Variants in FRYL observed in about 807,000 individuals in gnomAD.
FRYL encodes the protein FRY like transcription coactivator.
A neutral mutation model predicts 351.2 loss-of-function variants in FRYL; 150 were observed. The ratio of observed to expected loss-of-function variants is 0.43; its 90% CI spans 0.37 to 0.49. FRYL has a LOEUF of 0.49. Ranked by LOEUF, FRYL falls within the 20% of genes least tolerant of loss-of-function variation. The pLI is 0.00. For synonymous variants in FRYL, 1,153 were observed against 1,257.1 expected, an observed-to-expected ratio of 0.92 and a Z score of 1.75; for missense variants, 3,036 against 3,619.3, an observed-to-expected ratio of 0.84 and a Z score of 4.13.
At chr4:48,550,131 T>G (rs1732365226) in intron 38 of FRYL, among the ~76,000 whole-genome samples, 1 of 152,190 alleles carries the variant, frequency 6.6e-6, no homozygotes, top group Non-Finnish European at 1.5e-5. Flanking sequence ...ATGTGCAAAA[T>G]GAGGAGATTG....
Position 48,565,644 on chromosome 4 carries a change from G to A in FRYL, c.3217C>T (p.Leu1073=). Residue 1073 remains leucine (L), a synonymous_variant, in exon 29 of 64, where the codon CTA becomes TTA. Transcript: ENST00000358350. ...GCCCAGTGACTGAACAGCATAAATA[G>A]ACTGTGACGAAGGCTCTGTTGAGGA... ...IFPQQSLRHS[L]FMLFSHWAGP... The A allele has an allele frequency of 6.2e-7, 1 of 1,613,848 alleles. No homozygotes were observed. Among genetic ancestry groups the A allele is most frequent in the South Asian group, 1.1e-5 (1 of 91,028 alleles).
At chr4:48,593,220 T>A (rs568723974) in intron 16 of FRYL, among the ~76,000 whole-genome samples, 1 of 144,934 alleles carries the variant, frequency 6.9e-6, no homozygotes, top group South Asian at 2.2e-4. Context: ...GAATGAGATT[T>A]ATTGAAGAAC....
chr4:48,632,104 A>ATATATATATGTATG (rs1185337667), intron 4 of FRYL, among the ~76,000 whole-genome samples: 4 of 49,924 alleles, frequency 8.0e-5, no homozygotes, highest in Admixed American at 6.8e-4. Context: ...ATATATATAT[A>ATATATATATGTATG]TATATATATA....
intron 19 of FRYL, among the ~76,000 whole-genome samples, chr4:48,586,064 TCA>T (rs1305086110): frequency 6.6e-6 from 1 of 152,206 alleles, no homozygotes; most frequent in Non-Finnish European, 1.5e-5. Flanking sequence ...AAGCAGTTTT[TCA>T]ACAGGCTATC....
At position 48,645,124 on chromosome 4, in the gene FRYL, T is replaced by TATATATATATATATATATATATATATATA. The variant is rs1756133820; in HGVS notation, c.-80-10635_-80-10634insTATATATATATATATATATATATATATAT. 7.6e-5 allele frequency among the ~76,000 whole-genome samples: 8 copies of TATATATATATATATATATATATATATATA among 105,472 alleles called. 1 individual carries two copies. Among genetic ancestry groups the TATATATATATATATATATATATATATATA allele is most frequent in the Non-Finnish European group, 1.7e-4 (8 of 48,330 alleles). The allele number at this position is 105,472 out of a possible 152,430, so 69.2% of individuals were successfully genotyped here. A position where few individuals can be genotyped will look rare whatever the true frequency, so the allele number is the denominator to read the frequency against. On this transcript the variant is annotated intron_variant, in intron 3 of 63. Transcript: ENST00000358350. ...ATTAAACCAGCAGTGAGCTTTCATTTTATATATATATATATATATATATAT... is the reference window on the plus strand; with the variant it reads ...ATTAAACCAGCAGTGAGCTTTCATTTATATATATATATATATATATATATATATATATATATATATATATATATATATAT...
At chr4:48,769,194 C>T (rs1306726460) in intron 1 of FRYL, among the ~76,000 whole-genome samples, 1 of 152,098 alleles carries the variant, frequency 6.6e-6, no homozygotes, top group Non-Finnish European at 1.5e-5. Context: ...TATGAAAGAT[C>T]TATTAAGAGG....
Position 48,557,077 on chromosome 4 carries a change from C to A in FRYL, c.4167G>T (p.Trp1389Cys), listed in dbSNP as rs1734269151. 6.2e-7 allele frequency: 1 copy of A among 1,606,038 alleles called. No homozygotes were observed. The highest frequency in any genetic ancestry group is 8.5e-7 in the Non-Finnish European group (1 of 1,176,346). Residue 1389 changes from tryptophan to cysteine, a missense_variant, in exon 35 of 64, where the codon TGG (tryptophan) becomes TGT (cysteine). By Grantham distance (215) the Trp-to-Cys change is radical. Around this residue, in one of 7 missense-constraint regions of FRYL, gnomAD observed 1,987 missense variants for 2,311.7 expected, o/e 0.86. Coordinates refer to ENST00000358350, the MANE Select transcript of FRYL (RefSeq NM_015030.2). ...ELAWSEVENV[W>C]TTLADGWPKN... ...TGGGCCAGCCATCTGCAAGTGTGGTCCACACATTCTCCACCTCCGACCAGG... is the reference window on the plus strand; with the variant it reads ...TGGGCCAGCCATCTGCAAGTGTGGTACACACATTCTCCACCTCCGACCAGG...
intron 42 of FRYL, 79 bp from the exon 43 acceptor site, chr4:48,544,983 A>G: frequency 2.1e-6 from 3 of 1,414,380 alleles, no homozygotes; most frequent in Non-Finnish European, 2.8e-6. Flanking sequence ...CCTAAATTAC[A>G]CCTTTACAAT....
At position 48,595,646 on chromosome 4, in the gene FRYL, C is replaced by T. The variant is rs764161133; in HGVS notation, c.1192G>A (p.Val398Ile). Reference sequence around the variant, plus strand: ...ATATTGAGAGGTGTGTCACGAGGAACCACACTTCGTGAGCCTTTTGGAAAA... The same window carrying T: ...ATATTGAGAGGTGTGTCACGAGGAATCACACTTCGTGAGCCTTTTGGAAAA... Reference protein sequence around the residue: ...ALFPKGSRSVVPRDTPLNIFV... With the variant: ...ALFPKGSRSVIPRDTPLNIFV... Residue 398 changes from valine to isoleucine, a missense_variant, in exon 15 of 64, where the codon GTT (valine) becomes ATT (isoleucine). Transcript: ENST00000358350. 5 of 1,613,384 alleles carry T rather than the reference C, an allele frequency of 3.1e-6. No individual in the cohort carries two copies. Among genetic ancestry groups the T allele is most frequent in the Admixed American group, 3.3e-5 (2 of 59,930 alleles).
At position 48,565,540 on chromosome 4, in the gene FRYL, A is replaced by C; in HGVS notation, c.3321T>G (p.Cys1107Trp). The change falls in exon 29 of 64, where the codon TGT (cysteine) becomes TGG (tryptophan). Residue 1107 changes from cysteine (C) to tryptophan (W), a missense_variant. Cys to Trp is a radical substitution (Grantham distance 215). Transcript: ENST00000358350. ...RNMQINRHQY[C>W]ALKAMSAVLC... is the part of the protein sequence containing the mutation. The stretch of plus-strand genomic sequence containing the variant: ...GTTTCTAAGTAAATACCTTTAACGC[A>C]CAGTATTGATGTCTATTAATTTGCA... 1 of 1,570,644 alleles carries C rather than the reference A, an allele frequency of 6.4e-7. No homozygotes were observed. The highest frequency in any genetic ancestry group is 8.6e-7 in the Non-Finnish European group (1 of 1,163,514).
chr4:48,652,772 C>T (rs1372919182), intron 3 of FRYL, among the ~76,000 whole-genome samples: 5 of 152,072 alleles, frequency 3.3e-5, no homozygotes, highest in Non-Finnish European at 5.9e-5. Flanking sequence ...AAAGAGTTAA[C>T]CTGGAAAAAT....
chr4:48,668,042 A>G (rs1560825057), intron 3 of FRYL, among the ~76,000 whole-genome samples: 1 of 152,162 alleles, frequency 6.6e-6, no homozygotes, highest in Non-Finnish European at 1.5e-5. Context: ...AGGGGTTGGA[A>G]AACTGACCCC....
chr4:48,541,798 C>T (rs1162177117), intron 45 of FRYL, among the ~76,000 whole-genome samples: 1 of 152,108 alleles, frequency 6.6e-6, no homozygotes, highest in Non-Finnish European at 1.5e-5. Flanking sequence ...TGAAGTGGTG[C>T]ATTAGAAAGA....
At chr4:48,501,400 A>AC (rs375655730) in intron 62 of FRYL, among the ~76,000 whole-genome samples, 298 of 152,106 alleles carry the variant, frequency 2.0e-3, no homozygotes, top group African/African-American at 6.6e-3. Context: ...TACTATGGAA[A>AC]CCTTTAAGGT....
At chr4:48,515,316 A>G in intron 55 of FRYL, 41 bp from the exon 56 acceptor site, 1 of 1,449,230 alleles carries the variant, frequency 6.9e-7, no homozygotes, top group Non-Finnish European at 9.4e-7. Context: ...TAAACACATA[A>G]AAAAAGAATT....
intron 16 of FRYL, 83 bp downstream of exon 16, chr4:48,593,847 G>T: frequency 1.7e-6 from 1 of 579,896 alleles, no homozygotes; most frequent in South Asian, 3.5e-5. Context: ...GCTGGGATTT[G>T]AACCTAAGAG....
chr4:48,505,078 A>G (rs551644984), intron 60 of FRYL, among the ~76,000 whole-genome samples: 1 of 152,322 alleles, frequency 6.6e-6, no homozygotes, highest in Non-Finnish European at 1.5e-5. Context: ...CTAAGAAAAT[A>G]TAATGCTGTT....
chr4:48,635,340 A>C (rs1017636225), intron 3 of FRYL, among the ~76,000 whole-genome samples: 1 of 152,200 alleles, frequency 6.6e-6, no homozygotes, highest in African/African-American at 2.4e-5. Context: ...GCCATTACAG[A>C]AATCCAGGTG....
intron 4 of FRYL, among the ~76,000 whole-genome samples, chr4:48,628,589 A>T (rs575599958): frequency 6.6e-6 from 1 of 152,170 alleles, no homozygotes; most frequent in Admixed American, 6.6e-5. Flanking sequence ...AGTGGGGGGA[A>T]TAATTTCTAG....
Sources: gnomAD v4.1 joint callset for allele counts (sites outside exome capture counted in the v4.1 genomes callset) on GRCh38, gnomAD v4.1.1 for gene constraint, gnomAD v4.1.1 regional missense constraint, MANE v1.5 for transcripts, NCBI Gene and HGNC (gene_info 2026-07-23, HGNC 2026-07-21) for gene names.